The following ODR4 variants were observed in gnomAD, a reference collection of about 807,000 sequenced individuals.
The protein encoded by ODR4 is odr-4 GPCR localization factor homolog.
ODR4 carries 47 observed loss-of-function variants against 60.2 expected under a neutral mutation model. The ratio of observed to expected loss-of-function variants is 0.78; its 90% CI spans 0.62 to 1.00. ODR4 has a LOEUF of 1.00. ODR4 is among the 50% of genes least tolerant of loss of function. The pLI is 0.00. For missense variants in ODR4, 488 were observed against 530.8 expected, an observed-to-expected ratio of 0.92 and a Z score of 0.79; for synonymous variants, 178 against 175.5, an observed-to-expected ratio of 1.01 and a Z score of -0.11.
At chr1:186,411,752 G>A (rs1057406317) in intron 12 of ODR4, 1 of 401,048 alleles carries the variant, frequency 2.5e-6, no homozygotes, top group Non-Finnish European at 3.4e-6. Context: ...TTAGTTATAT[G>A]TTTCACACTG....
At chr1:186,400,443 C>A (rs981245792) in intron 11 of ODR4, 1 of 152,198 alleles carries the variant, frequency 6.6e-6, no homozygotes, top group Non-Finnish European at 1.5e-5. Context: ...CCACGCCTGG[C>A]TAATTTTTGT....
At chr1:186,386,203 G>A in intron 4 of ODR4, 120 bp downstream of exon 4, 2 of 547,954 alleles carry the variant, frequency 3.6e-6, no homozygotes, top group Non-Finnish European at 6.0e-6. Context: ...CTTTTTGTTG[G>A]GGTTACATTG....
At chr1:186,395,373 G>T (rs527366274) in intron 9 of ODR4, among the ~76,000 whole-genome samples, 29 of 152,028 alleles carry the variant, frequency 1.9e-4, no homozygotes, top group Admixed American at 5.9e-4. Flanking sequence ...GATTACAGGC[G>T]TGAGCCACCG....
chr1:186,411,430 G>C (rs1661378718), intron 12 of ODR4, among the ~76,000 whole-genome samples: 1 of 151,986 alleles, frequency 6.6e-6, no homozygotes, highest in African/African-American at 2.4e-5. Flanking sequence ...AATGATGTTT[G>C]CTTTTGCAAA....
intron 10 of ODR4, among the ~76,000 whole-genome samples, 185 bp downstream of exon 10, chr1:186,398,626 G>C (rs1660791653): frequency 6.6e-6 from 1 of 152,014 alleles, no homozygotes. Flanking sequence ...TATCTATTTT[G>C]TGCCTTTTTA....
chr1:186,418,010 A>G (rs1450783530), intron 13 of ODR4, among the ~76,000 whole-genome samples: 5 of 152,206 alleles, frequency 3.3e-5, no homozygotes, highest in African/African-American at 1.2e-4. Flanking sequence ...AAACAACGTT[A>G]AATTCAAGTC....
chr1:186,389,098 C>G (rs183948289), intron 5 of ODR4, among the ~76,000 whole-genome samples: 2 of 151,976 alleles, frequency 1.3e-5, no homozygotes. Context: ...GATCCATGGA[C>G]TTCCAAAGAC....
chr1:186,409,482 C>A (rs1661292995), intron 12 of ODR4, among the ~76,000 whole-genome samples: 2 of 152,156 alleles, frequency 1.3e-5, no homozygotes, highest in South Asian at 4.1e-4. Flanking sequence ...TTTATTTTGT[C>A]CTATGGATTA....
At chr1:186,394,098 G>C in intron 9 of ODR4, 83 bp downstream of exon 9, 1 of 841,600 alleles carries the variant, frequency 1.2e-6, no homozygotes, top group Non-Finnish European at 1.9e-6. Flanking sequence ...TCTCATTAGA[G>C]AATAAAAGGA....
At chr1:186,418,426 G>A (rs1046560369) in intron 13 of ODR4, among the ~76,000 whole-genome samples, 2 of 151,848 alleles carry the variant, frequency 1.3e-5, no homozygotes, top group Non-Finnish European at 2.9e-5. Context: ...GAGTAGCTGG[G>A]ACTACAGGCG....
intron 1 of ODR4, among the ~76,000 whole-genome samples, chr1:186,377,121 C>A (rs1023818917): frequency 2.0e-5 from 3 of 152,174 alleles, no homozygotes; most frequent in African/African-American, 4.8e-5. Flanking sequence ...TATCTTAAAT[C>A]ATCTCTAAGT....
At chr1:186,410,904 A>G (rs761658809) in intron 12 of ODR4, among the ~76,000 whole-genome samples, 6 of 151,978 alleles carry the variant, frequency 3.9e-5, no homozygotes, top group Non-Finnish European at 5.9e-5. Flanking sequence ...AAACCCAGCT[A>G]CTCAGGAGGT....
At chr1:186,399,141 A>G in intron 11 of ODR4, 97 bp downstream of exon 11, 2 of 803,822 alleles carry the variant, frequency 2.5e-6, no homozygotes, top group East Asian at 2.7e-5. Flanking sequence ...ATAGCTACCT[A>G]TCTATATTTT....
chr1:186,393,857 GTTAC>G (rs1353794188), intron 8 of ODR4, 86 bp from the exon 9 acceptor site: 5 of 677,142 alleles, frequency 7.4e-6, no homozygotes, highest in African/African-American at 1.9e-5. Flanking sequence ...TTTTTTCTAA[GTTAC>G]TTAGTATATG....
At chr1:186,390,583 G>A in intron 6 of ODR4, 128 bp from the exon 7 acceptor site, 1 of 930,874 alleles carries the variant, frequency 1.1e-6, no homozygotes, top group Non-Finnish European at 1.7e-6. Context: ...TTGATCAAGG[G>A]TTTAGCCATA....
At position 186,419,751 on chromosome 1, in the gene ODR4, T is replaced by C. The variant is rs1661712950; in HGVS notation, c.*675T>C. The C allele has an allele frequency of 6.6e-6, 1 of 151,976 alleles. No individual in the cohort carries two copies. The highest frequency in any genetic ancestry group is 6.6e-5 in the Admixed American group (1 of 15,246). The allele number at this position is 151,976 out of a possible 1,614,324, so 9.4% of individuals were successfully genotyped here. On this transcript the variant is annotated 3_prime_UTR_variant, in exon 14 of 14. Transcript: ENST00000287859. ...AAATTTAAAAAAAAAAGAATAATAA[T>C]TTGAACAGTGAATGTTGATGTAACA...
intron 12 of ODR4, among the ~76,000 whole-genome samples, chr1:186,408,066 G>C (rs996975744): frequency 6.6e-6 from 1 of 152,124 alleles, no homozygotes; most frequent in African/African-American, 2.4e-5. Context: ...GCCAGGCACA[G>C]TTTTAAGAGT....
At chr1:186,377,013 G>C (rs1484675002) in intron 1 of ODR4, among the ~76,000 whole-genome samples, 1 of 152,136 alleles carries the variant, frequency 6.6e-6, no homozygotes, top group African/African-American at 2.4e-5. Flanking sequence ...CTTGGTATCC[G>C]TGGGGCATTG....
At chr1:186,423,961 C>G (rs78556836), downstream of ODR4, among the ~76,000 whole-genome samples, 173 of 152,298 alleles carry the variant, frequency 1.1e-3, 2 homozygotes, top group East Asian at 0.023. Context: ...CTCAGTCTTT[C>G]ACACTGCAGA....
Sources: gnomAD v4.1 joint callset for allele counts (sites outside exome capture counted in the v4.1 genomes callset) on GRCh38, gnomAD v4.1.1 for gene constraint, MANE v1.5 for transcripts, NCBI Gene and HGNC (gene_info 2026-07-23, HGNC 2026-07-21) for gene names.